Variants in POLR1C observed in about 807,000 individuals in gnomAD.
The protein encoded by POLR1C is DNA-directed RNA polymerases I and III subunit RPAC1.
In POLR1C, 42 loss-of-function variants were observed where a neutral mutation model predicts 38.3. The ratio of observed to expected loss-of-function variants is 1.10; its 90% confidence interval spans 0.86 to 1.42. The LOEUF is 1.42. POLR1C is among the 40% of genes most tolerant of loss of function. The pLI is 0.00. For synonymous variants in POLR1C, 163 were observed against 163.9 expected, an observed-to-expected ratio of 0.99 and a Z score of 0.04; for missense variants, 507 against 450.5, an observed-to-expected ratio of 1.13 and a Z score of -1.14.
At chr6:43,531,390 G>A (rs145984617), downstream of POLR1C, 209 of 1,221,662 alleles carry the variant, frequency 1.7e-4, no homozygotes, top group East Asian at 3.7e-3. Flanking sequence ...CGCCTTACCT[G>A]TACACTAGAT....
chr6:43,542,136 T>C (rs902422030), intron 9 of POLR1C, among the ~76,000 whole-genome samples: 9 of 152,278 alleles, frequency 5.9e-5, no homozygotes, highest in African/African-American at 2.2e-4. Flanking sequence ...CAATTCAGGC[T>C]AGTCATTTTT....
intron 10 of POLR1C, chr6:43,553,489 C>T (rs1161543625): frequency 6.4e-7 from 1 of 1,557,876 alleles, no homozygotes; most frequent in East Asian, 2.4e-5. Context: ...TCTCCAGTTC[C>T]AACTGCAGAA....
At position 43,521,483 on chromosome 6, in the gene POLR1C, A is replaced by AGAT; in HGVS notation, c.*185_*187dup. ...ACTTTTTACGCCTTTATAAGGCCTT[A>AGAT]GATGTAAATAAACTCACCCAAACAA... On this transcript the variant is annotated 3_prime_UTR_variant, in exon 9 of 9. Transcript: ENST00000642195. 1 of 1,398,322 alleles carries AGAT rather than the reference A, an allele frequency of 7.2e-7. No homozygotes were observed. The highest frequency in any genetic ancestry group is 9.3e-7 in the Non-Finnish European group (1 of 1,075,958). 86.6% of individuals were successfully genotyped at this position (1,398,322 alleles called of 1,614,324 possible).
chr6:43,562,009 G>A (rs1762442921), exon 11 of POLR1C: 1 of 359,792 alleles, frequency 2.8e-6, no homozygotes, highest in Non-Finnish European at 5.0e-6. Context: ...TGACTTTATG[G>A]AATAATAGAC....
intron 10 of POLR1C, chr6:43,555,813 A>T (rs1762050552): frequency 6.2e-7 from 1 of 1,613,698 alleles, no homozygotes; most frequent in African/African-American, 1.3e-5. Context: ...TTTCACTAAC[A>T]TTCAGTAATG....
intron 10 of POLR1C, chr6:43,556,087 T>C: frequency 3.1e-6 from 4 of 1,301,102 alleles, no homozygotes; most frequent in Non-Finnish European, 4.2e-6. Flanking sequence ...TGCAGACTTG[T>C]GCTTTGCATG....
Position 43,519,746 on chromosome 6 carries a change from A to C in POLR1C, c.290A>C (p.Asn97Thr). ...MAVEKVLVYN[N>T]TSIVQDEILA... ...GTGGAGAAGGTCCTGGTGTACAATAATACATCCATTGTTCAGGATGAGATT... is the reference window on the plus strand; with the variant it reads ...GTGGAGAAGGTCCTGGTGTACAATACTACATCCATTGTTCAGGATGAGATT... The change falls in exon 4 of 9, where the codon AAT becomes ACT. Residue 97 changes from asparagine (N) to threonine (T), a missense_variant. Physicochemically the swap from Asn to Thr is moderately conservative, Grantham distance 65. Coordinates refer to ENST00000642195, the MANE Select transcript of POLR1C (RefSeq NM_203290.4). The C allele has an allele frequency of 6.2e-7, 1 of 1,613,934 alleles. No homozygotes were observed. The highest frequency in any genetic ancestry group is 8.5e-7 in the Non-Finnish European group (1 of 1,179,868).
At chr6:43,523,893 C>T, downstream of POLR1C, 1 of 1,613,994 alleles carries the variant, frequency 6.2e-7, no homozygotes. Flanking sequence ...GGTGGCCAGG[C>T]CACCCCCATC....
downstream of POLR1C, chr6:43,523,653 G>A (rs749436964): frequency 7.2e-6 from 6 of 828,836 alleles, no homozygotes; most frequent in Middle Eastern, 2.3e-4. Flanking sequence ...CATCTAGACA[G>A]AATAGTTTAA....
At chr6:43,530,854 A>G, downstream of POLR1C, 4 of 1,596,022 alleles carry the variant, frequency 2.5e-6, no homozygotes, top group Non-Finnish European at 3.4e-6. Context: ...AGCATTGAAA[A>G]TGACAAATCC....
At chr6:43,525,631 T>C (rs1793536826), downstream of POLR1C, 1 of 581,870 alleles carries the variant, frequency 1.7e-6, no homozygotes, top group East Asian at 2.9e-5. Context: ...ACTATGTGTT[T>C]TCCTGAGAGC....
intron 3 of POLR1C, 103 bp downstream of exon 3, chr6:43,519,543 T>C: frequency 7.2e-7 from 1 of 1,398,482 alleles, no homozygotes; most frequent in Non-Finnish European, 1.0e-6. Flanking sequence ...TCCTTAATTT[T>C]CCTGGAATTT....
intron 10 of POLR1C, chr6:43,558,450 T>C: frequency 6.8e-7 from 1 of 1,474,906 alleles, no homozygotes; most frequent in South Asian, 1.3e-5. Context: ...TTCATAATAC[T>C]AGATGCCATT....
At chr6:43,523,363 C>T, downstream of POLR1C, 1 of 283,068 alleles carries the variant, frequency 3.5e-6, no homozygotes, top group Non-Finnish European at 6.9e-6. Flanking sequence ...CTAACCCAGA[C>T]ATGCCCCTTA....
chr6:43,524,511 C>T (rs765690738), downstream of POLR1C: 10 of 1,613,860 alleles, frequency 6.2e-6, no homozygotes, highest in South Asian at 1.1e-5. Context: ...TTGGTCCTTT[C>T]GGCGCTTGTC....
intron 9 of POLR1C, among the ~76,000 whole-genome samples, chr6:43,542,622 C>G (rs1031513598): frequency 3.3e-5 from 5 of 152,002 alleles, no homozygotes; most frequent in African/African-American, 1.2e-4. Context: ...GACGGGGTTT[C>G]ACCATGTTGG....
chr6:43,524,494 G>T, downstream of POLR1C: 1 of 1,613,760 alleles, frequency 6.2e-7, no homozygotes, highest in East Asian at 2.2e-5. Context: ...GCAATGAGGC[G>T]TTTGAATTGG....
chr6:43,554,496 C>T (rs188393283), intron 10 of POLR1C, among the ~76,000 whole-genome samples: 3 of 151,600 alleles, frequency 2.0e-5, no homozygotes, highest in Admixed American at 2.0e-4. Context: ...ACGATCTTGG[C>T]TCACTGAAAC....
chr6:43,525,863 C>T, downstream of POLR1C: 9 of 1,614,048 alleles, frequency 5.6e-6, no homozygotes, highest in Non-Finnish European at 7.6e-6. Flanking sequence ...GACATTTGCC[C>T]AGGTCTGTAA....
Sources: allele counts gnomAD v4.1 joint callset (sites outside exome capture counted in the v4.1 genomes callset), GRCh38; gene constraint gnomAD v4.1.1; transcripts MANE v1.5; gene names NCBI Gene and HGNC (gene_info 2026-07-23, HGNC 2026-07-21).